Variants in PADI6 observed in about 807,000 individuals in gnomAD.
The protein encoded by PADI6 is peptidyl arginine deiminase 6, also known as inactive protein-arginine deiminase type-6.
A neutral mutation model predicts 78.2 loss-of-function variants in PADI6; 66 were observed. That is an observed-to-expected ratio of 0.84 (90% CI 0.69 to 1.04). The LOEUF (loss-of-function observed/expected upper bound fraction) is 1.04, where lower values mean the gene tolerates loss of function less well. Ranked by LOEUF, PADI6 falls within the 50% of genes least tolerant of loss-of-function variation. The pLI is 0.00. For synonymous variants in PADI6, 397 were observed against 346.9 expected (o/e 1.14, Z -1.60); for missense variants, 854 against 866.1 (o/e 0.99, Z 0.18).
intron 6 of PADI6, among the ~76,000 whole-genome samples, chr1:17,386,680 C>T (rs1037688681): frequency 3.3e-5 from 5 of 152,130 alleles, no homozygotes; most frequent in African/African-American, 7.2e-5. Context: ...GGAGTGGTCC[C>T]GGTGGGCCCA....
In PADI6 at chr1:17,375,325, A is replaced by G. The variant is rs1305417995; in HGVS notation, c.295-102A>G. The G allele has an allele frequency of 3.6e-6, 4 of 1,096,368 alleles. No homozygotes were observed. The African/African-American group carries it at 6.2e-5, about 17-fold the overall frequency. 67.9% of individuals were successfully genotyped at this position (1,096,368 alleles called of 1,614,324 possible). On this transcript the variant is annotated intron_variant, in intron 2 of 15. Coordinates refer to ENST00000619609, the MANE Select transcript of PADI6 (RefSeq NM_207421.4). ...GGTGAGACTTCAGAAGCCATAACAC[A>G]AGACCAAGATCCCACGCCTAGACTC...
intron 8 of PADI6, among the ~76,000 whole-genome samples, chr1:17,389,387 T>G (rs981109802): frequency 6.6e-6 from 1 of 152,176 alleles, no homozygotes; most frequent in Non-Finnish European, 1.5e-5. Context: ...GCTCGCCCAC[T>G]GCCACTTAGG....
At chr1:17,376,669 A>G (rs1173050237) in intron 3 of PADI6, among the ~76,000 whole-genome samples, 2 of 151,726 alleles carry the variant, frequency 1.3e-5, no homozygotes, top group African/African-American at 4.8e-5. Context: ...GAGTGTTGGG[A>G]TTACAGGCGT....
In PADI6 at chr1:17,397,053, G is replaced by A; in HGVS notation, c.1619-18G>A. 1.2e-6 allele frequency: 2 copies of A among 1,612,710 alleles called. No individual in the cohort carries two copies. Among genetic ancestry groups the A allele is most frequent in the Non-Finnish European group, 1.7e-6 (2 of 1,179,432 alleles). On this transcript the variant is annotated intron_variant, in intron 13 of 15. Transcript: ENST00000619609. ...CCATTCCCTGACCAGCAGGCCTGCTGCCCGCTTCTTCCTACAGGAAGGGAA... is the reference window on the plus strand; with the variant it reads ...CCATTCCCTGACCAGCAGGCCTGCTACCCGCTTCTTCCTACAGGAAGGGAA...
chr1:17,384,968 G>A (rs1247186427), intron 6 of PADI6, among the ~76,000 whole-genome samples: 4 of 152,320 alleles, frequency 2.6e-5, no homozygotes, highest in East Asian at 1.9e-4. Context: ...GGTAGTACAC[G>A]GGCAGATGTA....
At chr1:17,380,968 C>G in intron 4 of PADI6, 79 bp from the exon 5 acceptor site, 3 of 1,215,468 alleles carry the variant, frequency 2.5e-6, no homozygotes, top group Non-Finnish European at 3.5e-6. Flanking sequence ...TGGCTGGGCC[C>G]CTCTGCTATG....
At chr1:17,385,187 C>T (rs1437405637) in intron 6 of PADI6, among the ~76,000 whole-genome samples, 5 of 131,896 alleles carry the variant, frequency 3.8e-5, no homozygotes, top group Admixed American at 7.7e-5. Context: ...AGGAATGAGA[C>T]GATAGTGTTT....
chr1:17,395,225 TGA>T (rs58784721), intron 12 of PADI6, 118 bp downstream of exon 12: 482,139 of 1,324,450 alleles, frequency 0.36, 91,522 homozygotes, highest in South Asian at 0.39. Flanking sequence ...GTTTGTTTTT[TGA>T]GAGTCTTGCT....
rs2075153751 is a variant in PADI6 at position 17,388,827 on chromosome 1, TC to T, written c.912del (p.Cys305ValfsTer28). 5.0e-6 allele frequency: 8 copies of T among 1,613,812 alleles called. No homozygotes were observed. The highest frequency in any genetic ancestry group is 6.8e-6 in the Non-Finnish European group (8 of 1,179,856). ...YKDTVVFRVA[P>X]CVFIPCTQVP... is the part of the protein sequence containing the mutation. ...AAGACACGGTGGTGTTCCGGGTGGCTCCCTGTGTCTTCATTCCCTGTACCCA... is the reference window on the plus strand; with the variant it reads ...AAGACACGGTGGTGTTCCGGGTGGCTCCTGTGTCTTCATTCCCTGTACCCA... On this transcript the variant is annotated frameshift_variant, in exon 8 of 16. Transcript: ENST00000619609. LOFTEE classifies it high-confidence loss of function.
Position 17,388,791 on chromosome 1 carries a change from T to C in PADI6, c.873T>C (p.Thr291=), listed in dbSNP as rs1161567199. 1 of 1,613,554 alleles carries C rather than the reference T, an allele frequency of 6.2e-7. No individual in the cohort carries two copies. The highest frequency in any genetic ancestry group is 8.5e-7 in the Non-Finnish European group (1 of 1,179,732). Residue 291 remains threonine, a synonymous_variant, in exon 8 of 16, where the codon ACT becomes ACC. Coordinates refer to ENST00000619609, the MANE Select transcript of PADI6 (RefSeq NM_207421.4). The part of the protein sequence containing the change: ...EESQDPSIPE[T]VLYKDTVVFR... ...TCTTGTTGCAGTCAATTCCAGAGAC[T>C]GTGCTGTACAAAGACACGGTGGTGT...
Position 17,377,954 on chromosome 1 carries a change from AC to A in PADI6, c.368-1963del, listed in dbSNP as rs959163705. On this transcript the variant is annotated intron_variant, in intron 3 of 15. Transcript: ENST00000619609. The stretch of plus-strand genomic sequence containing the variant: ...CGCTGCCCACGAAACTACACGAGTA[AC>A]CCTGCACTGCCTCTGTCTTTACCGC... Among the ~76,000 whole-genome samples the A allele has an allele frequency of 4.2e-4, 64 of 152,180 alleles. 1 individual carries two copies. In the Middle Eastern group the frequency reaches 0.01, roughly 24 times the overall value.
intron 2 of PADI6, 110 bp from the exon 3 acceptor site, chr1:17,375,317 C>T (rs2075004331): frequency 3.0e-6 from 3 of 992,214 alleles, no homozygotes; most frequent in Non-Finnish European, 4.6e-6. Context: ...CTTCAGAAGC[C>T]ATAACACAAG....
At chr1:17,393,295 TC>T (rs1249386010) in intron 9 of PADI6, among the ~76,000 whole-genome samples, 4 of 152,092 alleles carry the variant, frequency 2.6e-5, no homozygotes, top group Admixed American at 2.6e-4. Context: ...AAAGCATGAA[TC>T]GGGAATGAAA....
chr1:17,399,179 C>T (rs530840594), intron 15 of PADI6, among the ~76,000 whole-genome samples: 4 of 152,296 alleles, frequency 2.6e-5, no homozygotes, highest in Non-Finnish European at 4.4e-5. Context: ...AACCCAGAGT[C>T]GAGGTTGCCG....
rs780690327 is a variant in PADI6 at position 17,401,192 on chromosome 1, GTCTT to G, written c.1852-9_1852-6del. ...TCCCTGTCCAGGCCTCACCCACCCTGTCTTTCTAACAGTTGCGGATGATTGTGAT... is the reference window on the plus strand; with the variant it reads ...TCCCTGTCCAGGCCTCACCCACCCTGTCTAACAGTTGCGGATGATTGTGAT... On this transcript the variant is annotated splice_polypyrimidine_tract_variant and intron_variant, in intron 15 of 15. Coordinates refer to ENST00000619609, the MANE Select transcript of PADI6 (RefSeq NM_207421.4). The G allele has an allele frequency of 1.2e-5, 20 of 1,612,962 alleles. No individual in the cohort carries two copies. Among genetic ancestry groups the G allele is most frequent in the African/African-American group, 2.7e-5 (2 of 74,862 alleles).
intron 9 of PADI6, 24 bp from the exon 10 acceptor site, chr1:17,393,951 A>T: frequency 6.2e-7 from 1 of 1,602,258 alleles, no homozygotes; most frequent in Non-Finnish European, 8.6e-7. Flanking sequence ...ACTGGCAAAC[A>T]ATCTGTCTTC....
At chr1:17,376,569 T>G (rs532243941) in intron 3 of PADI6, among the ~76,000 whole-genome samples, 1 of 152,058 alleles carries the variant, frequency 6.6e-6, no homozygotes, top group East Asian at 1.9e-4. Context: ...GGCTAATTTT[T>G]TTGTATTTTT....
At chr1:17,388,687 G>C (rs1263365457) in intron 7 of PADI6, 90 bp from the exon 8 acceptor site, 10 of 1,469,612 alleles carry the variant, frequency 6.8e-6, no homozygotes, top group Non-Finnish European at 9.3e-6. Flanking sequence ...GGCCCAGCTG[G>C]GGGCCGGACT....
At chr1:17,374,607 CA>C (rs2100284746) in intron 2 of PADI6, among the ~76,000 whole-genome samples, 1 of 151,904 alleles carries the variant, frequency 6.6e-6, no homozygotes, top group African/African-American at 2.4e-5. Context: ...GCCTGGGCAA[CA>C]AGAACAAAAC....
Sources: allele counts gnomAD v4.1 joint callset (sites outside exome capture counted in the v4.1 genomes callset), GRCh38; gene constraint gnomAD v4.1.1; transcripts MANE v1.5; gene names NCBI Gene and HGNC (gene_info 2026-07-23, HGNC 2026-07-21).